The following FHL5 variants were observed in gnomAD, a reference collection of about 807,000 sequenced individuals.
FHL5 encodes the protein four and a half LIM domains protein 5.
FHL5 carries 33 observed loss-of-function variants against 32.0 expected under a neutral mutation model. That is an observed-to-expected ratio of 1.03 (90% CI 0.78 to 1.38). The LOEUF (loss-of-function observed/expected upper bound fraction) is 1.38. Among genes scored for constraint, FHL5 ranks in the 40% most tolerant of loss-of-function variants. The pLI is 0.00. For missense variants in FHL5, 336 were observed against 343.9 expected, an observed-to-expected ratio of 0.98 and a Z score of 0.18; for synonymous variants, 114 against 113.6, an observed-to-expected ratio of 1.00 and a Z score of -0.02.
chr6:96,584,451 G>GTGTGTGTT (rs1430359657), intron 1 of FHL5, among the ~76,000 whole-genome samples: 4 of 148,616 alleles, frequency 2.7e-5, no homozygotes, highest in African/African-American at 1.0e-4. Flanking sequence ...GTGTGTGTGT[G>GTGTGTGTT]TGTGTGTGTT....
rs766936564 is a variant in FHL5, at chr6:96,610,656, T to C, written c.589T>C (p.Cys197Arg). ...GTGTAGTGGCTGTAGGAAAGATCTC[T>C]GTGAAGAACAGTTCATGTCCAGAGA... ...FLCSGCRKDLCEEQFMSRDDY... is the reference protein window; with the variant it reads ...FLCSGCRKDLREEQFMSRDDY... Residue 197 changes from cysteine (C) to arginine (R), a missense_variant, in exon 5 of 6, where the codon TGT (cysteine) becomes CGT (arginine). Physicochemically the swap from Cys to Arg is radical, Grantham distance 180. Coordinates refer to ENST00000450218, the MANE Select transcript of FHL5 (RefSeq NM_001322466.2). 6.2e-7 allele frequency: 1 copy of C among 1,613,338 alleles called. No homozygotes were observed. Among genetic ancestry groups the C allele is most frequent in the Non-Finnish European group, 8.5e-7 (1 of 1,179,398 alleles).
chr6:96,605,806 T>C, intron 3 of FHL5, 96 bp from the exon 4 acceptor site: 1 of 1,016,050 alleles, frequency 9.8e-7, no homozygotes, highest in South Asian at 2.0e-5. Context: ...TTTATCATCT[T>C]AACTTAAAAC....
intron 1 of FHL5, among the ~76,000 whole-genome samples, chr6:96,591,111 C>T (rs1182300407): frequency 1.3e-5 from 2 of 151,974 alleles, no homozygotes; most frequent in Non-Finnish European, 2.9e-5. Flanking sequence ...AGAGCATGTT[C>T]TCTGTTTGTA....
intron 1 of FHL5, among the ~76,000 whole-genome samples, chr6:96,574,180 C>A (rs1313694981): frequency 7.9e-5 from 12 of 152,054 alleles, no homozygotes; most frequent in Admixed American, 7.9e-4. Flanking sequence ...TTTTTAAAAC[C>A]ATTTAGTAAA....
chr6:96,581,595 G>A (rs937372417), intron 1 of FHL5, among the ~76,000 whole-genome samples: 1 of 152,108 alleles, frequency 6.6e-6, no homozygotes, highest in East Asian at 1.9e-4. Flanking sequence ...TACTAGATAA[G>A]CTTGCACTTG....
intron 1 of FHL5, among the ~76,000 whole-genome samples, chr6:96,591,286 C>A (rs1457563195): frequency 6.6e-6 from 1 of 152,050 alleles, no homozygotes; most frequent in Admixed American, 6.6e-5. Flanking sequence ...CTTCTTGTGT[C>A]AATTTTAATA....
chr6:96,563,892 T>A (rs1770298569), intron 1 of FHL5, among the ~76,000 whole-genome samples: 2 of 152,176 alleles, frequency 1.3e-5, no homozygotes, highest in South Asian at 4.1e-4. Flanking sequence ...AAATTCATAA[T>A]CTTTAATTTT....
intron 1 of FHL5, among the ~76,000 whole-genome samples, chr6:96,565,939 G>A (rs916005158): frequency 2.6e-5 from 4 of 151,774 alleles, no homozygotes; most frequent in African/African-American, 7.3e-5. Context: ...ACATGTATAT[G>A]ACAAATTATC....
In FHL5 at chr6:96,618,280, G is replaced by A. The variant is rs1012858440; in HGVS notation, c.*2508G>A. On this transcript the variant is annotated 3_prime_UTR_variant, in exon 6 of 6. Transcript: ENST00000450218. ...ACAGTGGGCTCCCAGTAATTCAAAG[G>A]TGACATCTGCATGGGCAGGAAAGAA... Among the ~76,000 whole-genome samples, 1 of 152,188 alleles carries A rather than the reference G, an allele frequency of 6.6e-6. No homozygotes were observed. The highest frequency in any genetic ancestry group is 1.5e-5 in the Non-Finnish European group (1 of 68,034).
At chr6:96,567,805 AAG>A in intron 1 of FHL5, among the ~76,000 whole-genome samples, 1 of 147,504 alleles carries the variant, frequency 6.8e-6, no homozygotes, top group Non-Finnish European at 1.5e-5. Flanking sequence ...GTGTATAGAA[AAG>A]CTACTGGTTT....
At chr6:96,593,517 T>C (rs1020463035) in intron 1 of FHL5, among the ~76,000 whole-genome samples, 3 of 152,094 alleles carry the variant, frequency 2.0e-5, no homozygotes, top group Non-Finnish European at 4.4e-5. Flanking sequence ...AAGCTGGGCT[T>C]CCATCTCTGA....
intron 1 of FHL5, among the ~76,000 whole-genome samples, chr6:96,576,673 C>A (rs549680618): frequency 6.5e-4 from 99 of 152,294 alleles, no homozygotes; most frequent in Non-Finnish European, 1.2e-3. Context: ...AAAAGACAGA[C>A]AGGATTCTAG....
chr6:96,593,566 A>G (rs1185500606), intron 1 of FHL5, among the ~76,000 whole-genome samples: 2 of 152,144 alleles, frequency 1.3e-5, no homozygotes, highest in Non-Finnish European at 2.9e-5. Flanking sequence ...CTCCAAGGGC[A>G]TAGCTCTTTG....
At chr6:96,567,792 T>C (rs1464920031) in intron 1 of FHL5, among the ~76,000 whole-genome samples, 1 of 151,198 alleles carries the variant, frequency 6.6e-6, no homozygotes, top group Admixed American at 6.6e-5. Flanking sequence ...TAGTTTGTTT[T>C]TGGTGTATAG....
intron 4 of FHL5, among the ~76,000 whole-genome samples, chr6:96,609,176 T>C (rs1771345367): frequency 6.6e-6 from 1 of 152,192 alleles, no homozygotes; most frequent in Non-Finnish European, 1.5e-5. Flanking sequence ...AAAAATACCT[T>C]TAGAATAATT....
At position 96,595,565 on chromosome 6, in the gene FHL5, A is replaced by C. The variant is rs528960618; in HGVS notation, c.-12-8037A>C. 2.6e-3 allele frequency among the ~76,000 whole-genome samples: 395 copies of C among 151,888 alleles called. 1 individual carries two copies. Among genetic ancestry groups the C allele is most frequent in the African/African-American group, 9.1e-3 (379 of 41,534 alleles). ...TATCTTCTTTTGAAATTCTGTAAAG[A>C]CTTAGGTCAAATTCTTTTACTCTAT... On this transcript the variant is annotated intron_variant, in intron 1 of 5. Coordinates refer to ENST00000450218, the MANE Select transcript of FHL5 (RefSeq NM_001322466.2).
At position 96,610,627 on chromosome 6, in the gene FHL5, T is replaced by C. The variant is rs768547406; in HGVS notation, c.560T>C (p.Phe187Ser). 6.2e-7 allele frequency: 1 copy of C among 1,613,968 alleles called. No homozygotes were observed. Among genetic ancestry groups the C allele is most frequent in the South Asian group, 1.1e-5 (1 of 91,074 alleles). ...FCDQLWHKECFLCSGCRKDLC... is the reference protein window; with the variant it reads ...FCDQLWHKECSLCSGCRKDLC... The stretch of plus-strand genomic sequence containing the variant: ...GACCAGCTATGGCATAAAGAGTGTT[T>C]TCTGTGTAGTGGCTGTAGGAAAGAT... Residue 187 changes from phenylalanine to serine, a missense_variant, in exon 5 of 6, where the codon TTT becomes TCT. Transcript: ENST00000450218.
chr6:96,611,350 C>G (rs557198136), intron 5 of FHL5, among the ~76,000 whole-genome samples: 1 of 151,610 alleles, frequency 6.6e-6, no homozygotes, highest in Non-Finnish European at 1.5e-5. Flanking sequence ...TGAAAGAAAA[C>G]AAGATAGCAT....
intron 1 of FHL5, among the ~76,000 whole-genome samples, chr6:96,573,878 A>G (rs1392237369): frequency 6.6e-6 from 1 of 151,640 alleles, no homozygotes; most frequent in East Asian, 1.9e-4. Flanking sequence ...TTATACTCCC[A>G]TTTTTTTCAA....
Sources: allele counts gnomAD v4.1 joint callset (sites outside exome capture counted in the v4.1 genomes callset), GRCh38; gene constraint gnomAD v4.1.1; transcripts MANE v1.5; gene names NCBI Gene and HGNC (gene_info 2026-07-23, HGNC 2026-07-21).